QARS1: variants seen among roughly 807,000 people sequenced by gnomAD.
The protein encoded by QARS1 is glutaminyl-tRNA synthetase 1.
A neutral mutation model predicts 106.9 loss-of-function variants in QARS1; 79 were observed. The observed-to-expected ratio is 0.74, with a 90% CI of 0.62 to 0.89. The LOEUF (loss-of-function observed/expected upper bound fraction) is 0.89. QARS1 is among the 40% of genes least tolerant of loss of function. QARS1 has a pLI of 0.00. For missense variants in QARS1, 966 were observed against 997.2 expected (o/e 0.97, Z 0.42); for synonymous variants, 395 against 367.7 (o/e 1.07, Z -0.85).
intron 2 of QARS1, 170 bp from the exon 3 acceptor site, chr3:49,104,142 C>A (rs777267048): frequency 2.6e-6 from 3 of 1,145,578 alleles, no homozygotes; most frequent in East Asian, 4.7e-5. Flanking sequence ...GAGAGTGGAT[C>A]CCCCCTCAGA....
Position 49,097,968 on chromosome 3 carries a change from G to A in QARS1, c.2277+24C>T, listed in dbSNP as rs141195125. On this transcript the variant is annotated intron_variant, in intron 23 of 23. Coordinates refer to ENST00000306125, the MANE Select transcript of QARS1 (RefSeq NM_005051.3). ...CAGCCACTGTCACTGCTGCAGATGA[G>A]GGCAGGTGAGTAAAGTCAAGCACCT... The A allele has an allele frequency of 5.2e-3, 8,323 of 1,613,802 alleles. 29 individuals carry two copies. The highest frequency in any genetic ancestry group is 6.3e-3 in the Non-Finnish European group (7,434 of 1,179,808).
chr3:49,101,789 A>G, intron 8 of QARS1, 39 bp downstream of exon 8: 1 of 1,608,848 alleles, frequency 6.2e-7, no homozygotes, highest in South Asian at 1.1e-5. Context: ...GCTGCTGCCA[A>G]GATCCAGCCC....
intron 7 of QARS1, 139 bp downstream of exon 7, chr3:49,102,066 A>G (rs904369584): frequency 1.3e-5 from 17 of 1,343,122 alleles, no homozygotes; most frequent in Non-Finnish European, 1.7e-5. Context: ...GGAACAAAAG[A>G]AACACCAGGA....
In QARS1 at chr3:49,096,666, GGCGGGC is replaced by G. The variant is rs1202458744; in HGVS notation, c.2278-593_2278-588del. On this transcript the variant is annotated intron_variant, in intron 23 of 23. Transcript: ENST00000306125. ...ATAGAAAAAATTAGCTGGGAGTGGT[GGCGGGC>G]GCCTGTAGTCCCAGCTATTTGGGAG... 2.0e-5 allele frequency among the ~76,000 whole-genome samples: 3 copies of G among 151,952 alleles called. No individual in the cohort carries two copies. The East Asian group carries it at 5.8e-4, about 29-fold the overall frequency.
At chr3:49,102,108 G>A (rs1173514225) in intron 7 of QARS1, 97 bp downstream of exon 7, 1 of 1,506,430 alleles carries the variant, frequency 6.6e-7, no homozygotes, top group Non-Finnish European at 9.2e-7. Flanking sequence ...TCAGGGTACT[G>A]AGTAAGCCAA....
At chr3:49,098,149 C>T in intron 22 of QARS1, 32 bp from the exon 23 acceptor site, 3 of 1,614,158 alleles carry the variant, frequency 1.9e-6, no homozygotes, top group Non-Finnish European at 2.5e-6. Context: ...AACCATCCAA[C>T]CAGGGAGGCC....
At chr3:49,096,351 C>A (rs2042391100) in intron 23 of QARS1, among the ~76,000 whole-genome samples, 1 of 152,174 alleles carries the variant, frequency 6.6e-6, no homozygotes, top group Non-Finnish European at 1.5e-5. Flanking sequence ...CCATGTTTGC[C>A]CCCTACTTTA....
In QARS1 at chr3:49,098,458, C is replaced by G. The variant is rs755672487; in HGVS notation, c.1979G>C (p.Ser660Thr). 1 of 1,614,186 alleles carries G rather than the reference C, an allele frequency of 6.2e-7. No individual in the cohort carries two copies. The highest frequency in any genetic ancestry group is 8.5e-7 in the Non-Finnish European group (1 of 1,180,028). Residue 660 changes from serine (S) to threonine (T), a missense_variant, in exon 21 of 24, where the codon AGT (serine) becomes ACT (threonine). Ser to Thr is a moderately conservative substitution (Grantham distance 58, BLOSUM62 1). Coordinates refer to ENST00000306125, the MANE Select transcript of QARS1 (RefSeq NM_005051.3). ...VVKGPSGCVESLEVTCRRADA... is the reference protein window; with the variant it reads ...VVKGPSGCVETLEVTCRRADA... ...TGCCCGTCTGCAGGTCACCTCCAGA[C>G]TCTCTACACAACCACTGGGGCCCTG...
Position 49,103,916 on chromosome 3 carries a change from C to T in QARS1, c.322G>A (p.Glu108Lys), listed in dbSNP as rs1028746179. Residue 108 changes from glutamate (E) to lysine (K), a missense_variant, in exon 3 of 24, where the codon GAG becomes AAG. Coordinates refer to ENST00000306125, the MANE Select transcript of QARS1 (RefSeq NM_005051.3). ...PLDPIDTVDFERECGVGVIVT... is the reference protein window; with the variant it reads ...PLDPIDTVDFKRECGVGVIVT... The stretch of plus-strand genomic sequence containing the variant: ...ATGACACCCACGCCACATTCCCGCT[C>T]GAAGTCCACAGTGTCGATGGGGTCC... 1.9e-6 allele frequency: 3 copies of T among 1,613,912 alleles called. No individual in the cohort carries two copies. The highest frequency in any genetic ancestry group is 2.5e-6 in the Non-Finnish European group (3 of 1,180,050).
At chr3:49,101,519 G>A in intron 9 of QARS1, 78 bp from the exon 10 acceptor site, 2 of 1,569,822 alleles carry the variant, frequency 1.3e-6, no homozygotes, top group Non-Finnish European at 1.8e-6. Context: ...TCCCTCCCAG[G>A]AAGGCCATGG....
Position 49,099,216 on chromosome 3 carries a change from T to G in QARS1, c.1652A>C (p.His551Pro). ...VTVAQTTMEP[H>P]LLEACVRDVL... ...ATCACGCACACAGGCTTCTAGAAGA[T>G]GTGGCTCCATTGTGGTTTGTGCCAC... is the stretch of plus-strand genomic sequence containing the variant. Residue 551 changes from histidine (H) to proline (P), a missense_variant, in exon 18 of 24, where the codon CAT becomes CCT. Physicochemically the swap from His to Pro is moderately conservative, Grantham distance 77 (BLOSUM62 -2). Coordinates refer to ENST00000306125, the MANE Select transcript of QARS1 (RefSeq NM_005051.3). 6.2e-7 allele frequency: 1 copy of G among 1,614,196 alleles called. No homozygotes were observed. The highest frequency in any genetic ancestry group is 8.5e-7 in the Non-Finnish European group (1 of 1,180,028).
chr3:49,102,625 C>T (rs2107109405), intron 5 of QARS1, 153 bp from the exon 6 acceptor site: 1 of 761,950 alleles, frequency 1.3e-6, no homozygotes, highest in Non-Finnish European at 2.2e-6. Flanking sequence ...TCATGTGGGT[C>T]TGCTAGCTTA....
In QARS1 at chr3:49,098,283, C is replaced by T. The variant is rs759914821; in HGVS notation, c.2085-25G>A. 5 of 1,614,174 alleles carry T rather than the reference C, an allele frequency of 3.1e-6. No individual in the cohort carries two copies. In the South Asian group the frequency reaches 3.3e-5, roughly 11 times the overall value. On this transcript the variant is annotated intron_variant, in intron 21 of 23. Coordinates refer to ENST00000306125, the MANE Select transcript of QARS1 (RefSeq NM_005051.3). ...TCTGCAGCCAAAGTGAAGGTCATAC[C>T]CCCAGCTGGGCAGCCATAGCAGGCA...
rs79707780 is a variant in QARS1 at position 49,103,130 on chromosome 3, A to T, written c.516+215T>A. Reference sequence around the variant, plus strand: ...ACACCACCATGTCTGGCTAATTTTTAAATTTTCTGTAGAGAGGAGTTCTCA... The same window carrying T: ...ACACCACCATGTCTGGCTAATTTTTTAATTTTCTGTAGAGAGGAGTTCTCA... On this transcript the variant is annotated intron_variant, in intron 5 of 23. Transcript: ENST00000306125. Among the ~76,000 whole-genome samples the T allele has an allele frequency of 0.02, 2,985 of 152,058 alleles. 39 individuals carry two copies. The highest frequency in any genetic ancestry group is 0.034 in the Middle Eastern group (10 of 294).
chr3:49,102,529 G>T, intron 5 of QARS1, 57 bp from the exon 6 acceptor site: 2 of 1,598,520 alleles, frequency 1.3e-6, no homozygotes, highest in South Asian at 1.1e-5. Context: ...AGGAGCCCCT[G>T]ACTGATCCTA....
chr3:49,099,121 G>T lies in QARS1; in HGVS notation c.1747C>A (p.Pro583Thr), dbSNP rs889695838. The T allele has an allele frequency of 1.9e-6, 3 of 1,614,080 alleles. No homozygotes were observed. In the African/African-American group the frequency reaches 4.0e-5, roughly 22 times the overall value. Reference protein sequence around the residue: ...ESLRVIITNFPAAKSLDIQVP... With the variant: ...ESLRVIITNFTAAKSLDIQVP... The stretch of plus-strand genomic sequence containing the variant: ...TGAGGCAGGCCCACCTTGGCAGCAG[G>T]AAAGTTGGTGATGATGACCCGTAGT... The change falls in exon 18 of 24, where the codon CCT becomes ACT. Residue 583 changes from proline (P) to threonine (T), a missense_variant. Transcript: ENST00000306125.
At chr3:49,098,559 C>T (rs1305142382) in intron 20 of QARS1, 41 bp downstream of exon 20, 2 of 1,609,406 alleles carry the variant, frequency 1.2e-6, no homozygotes, top group Admixed American at 3.4e-5. Context: ...CATCTTGGCC[C>T]CAGCAGGCAC....
At chr3:49,100,326 C>A in intron 12 of QARS1, 28 bp from the exon 13 acceptor site, 1 of 1,614,188 alleles carries the variant, frequency 6.2e-7, no homozygotes, top group Non-Finnish European at 8.5e-7. Context: ...GAGTGCCCAG[C>A]ATGGCTGTGA....
chr3:49,104,196 C>T, intron 2 of QARS1, 128 bp downstream of exon 2: 1 of 1,403,916 alleles, frequency 7.1e-7, no homozygotes, highest in Non-Finnish European at 1.0e-6. Flanking sequence ...CCACCCCTTC[C>T]ATGCCTCAGT....
Sources: gnomAD v4.1 joint callset for allele counts (sites outside exome capture counted in the v4.1 genomes callset) on GRCh38, gnomAD v4.1.1 for gene constraint, MANE v1.5 for transcripts, NCBI Gene and HGNC (gene_info 2026-07-23, HGNC 2026-07-21) for gene names.